RAB6A: variants seen among roughly 807,000 people sequenced by gnomAD.
RAB6A encodes the protein RAB6A, member RAS oncogene family.
Under a neutral mutation model 32.3 loss-of-function variants are expected in RAB6A, and 8 were observed. That is an observed-to-expected ratio of 0.25 (90% CI 0.15 to 0.45). RAB6A has a LOEUF of 0.45. Among genes scored for constraint, RAB6A ranks in the 20% least tolerant of loss-of-function variants. The pLI, the probability that RAB6A is intolerant of heterozygous loss-of-function variation, is 1.00. For missense variants in RAB6A, 104 were observed against 249.4 expected, an observed-to-expected ratio of 0.42 and a Z score of 3.93; for synonymous variants, 73 against 82.1, an observed-to-expected ratio of 0.89 and a Z score of 0.60.
chr11:73,720,707 A>T, intron 3 of RAB6A, 139 bp downstream of exon 3: 2 of 658,118 alleles, frequency 3.0e-6, no homozygotes, highest in South Asian at 4.1e-5. Flanking sequence ...ACTCGGTAAT[A>T]AGAGTTTTTC....
chr11:73,698,698 T>A (rs140966419), intron 6 of RAB6A, among the ~76,000 whole-genome samples: 2 of 152,204 alleles, frequency 1.3e-5, no homozygotes, highest in African/African-American at 4.8e-5. Flanking sequence ...ATATGAAAGA[T>A]TTTAAGTGAA....
At chr11:73,681,966 A>T (rs1945365695) in intron 6 of RAB6A, among the ~76,000 whole-genome samples, 2 of 152,200 alleles carry the variant, frequency 1.3e-5, no homozygotes, top group Admixed American at 1.3e-4. Context: ...GATGTACCAA[A>T]ATTAGGCTTT....
chr11:73,742,420 G>T (rs1946512018), intron 1 of RAB6A, among the ~76,000 whole-genome samples: 1 of 152,194 alleles, frequency 6.6e-6, no homozygotes, highest in Admixed American at 6.5e-5. Flanking sequence ...TTACAGGCGT[G>T]ATCCACCACA....
intron 6 of RAB6A, among the ~76,000 whole-genome samples, chr11:73,689,048 A>T (rs1225315702): frequency 6.6e-6 from 1 of 152,064 alleles, no homozygotes; most frequent in Non-Finnish European, 1.5e-5. Flanking sequence ...ATTTGAGCCC[A>T]GAAGTTGAGG....
chr11:73,715,283 C>T (rs548585456), intron 5 of RAB6A, among the ~76,000 whole-genome samples: 2 of 152,202 alleles, frequency 1.3e-5, no homozygotes, highest in African/African-American at 2.4e-5. Flanking sequence ...CATGCCACAG[C>T]GCCCAGCTAA....
At chr11:73,752,528 A>ATGATAAGAAC (rs1946683874) in intron 1 of RAB6A, among the ~76,000 whole-genome samples, 2 of 152,208 alleles carry the variant, frequency 1.3e-5, no homozygotes, top group Admixed American at 1.3e-4. Context: ...TGAAATTAAA[A>ATGATAAGAAC]TGATAAGAAC....
intron 7 of RAB6A, among the ~76,000 whole-genome samples, chr11:73,678,536 G>A (rs996243047): frequency 1.4e-5 from 2 of 147,706 alleles, no homozygotes; most frequent in African/African-American, 4.9e-5. Context: ...AGAATCACTT[G>A]AATTCAGGAG....
intron 6 of RAB6A, among the ~76,000 whole-genome samples, chr11:73,706,244 G>A (rs1000557617): frequency 1.3e-5 from 2 of 152,020 alleles, no homozygotes; most frequent in Non-Finnish European, 2.9e-5. Flanking sequence ...GGCCGGGCGT[G>A]GTGGCTCACA....
At chr11:73,738,014 A>G (rs1337358698) in intron 1 of RAB6A, among the ~76,000 whole-genome samples, 1 of 140,928 alleles carries the variant, frequency 7.1e-6, no homozygotes, top group Non-Finnish European at 1.6e-5. Flanking sequence ...AAAAAAAAAG[A>G]CCACATGTTA....
At chr11:73,760,480 G>A (rs765754016) in intron 1 of RAB6A, 86 bp downstream of exon 1, 135 of 1,490,114 alleles carry the variant, frequency 9.1e-5, no homozygotes, top group Non-Finnish European at 9.8e-5. Flanking sequence ...GGCGGGCAGG[G>A]AGCCTCCGCG....
chr11:73,739,282 A>T (rs865781434), intron 1 of RAB6A, among the ~76,000 whole-genome samples: 3,400 of 14,936 alleles, frequency 0.23, 316 homozygotes, highest in Non-Finnish European at 0.37. Context: ...AAAAAAAAAA[A>T]AAATATATAT....
intron 2 of RAB6A, among the ~76,000 whole-genome samples, chr11:73,727,606 T>C (rs1424186545): frequency 6.6e-6 from 1 of 152,174 alleles, no homozygotes; most frequent in African/African-American, 2.4e-5. Context: ...TGCTTCCAAC[T>C]CTAAGGCTCA....
At chr11:73,752,101 A>G (rs1283429951) in intron 1 of RAB6A, among the ~76,000 whole-genome samples, 1 of 152,202 alleles carries the variant, frequency 6.6e-6, no homozygotes, top group African/African-American at 2.4e-5. Flanking sequence ...CAGGAAGAAA[A>G]AAGTCATGTA....
rs148601706 is a variant in RAB6A, at chr11:73,726,215, G to A, written c.129+4550C>T. 5.2e-3 allele frequency among the ~76,000 whole-genome samples: 785 copies of A among 150,678 alleles called. 6 individuals are homozygous for A. Among genetic ancestry groups the A allele is most frequent in the African/African-American group, 0.017 (713 of 40,904 alleles). ...CAGGAGAATCGCTTGAACCCAGGAGGCAGAGGTTGTAGTAAGCCAAGATTG... is the reference window on the plus strand; with the variant it reads ...CAGGAGAATCGCTTGAACCCAGGAGACAGAGGTTGTAGTAAGCCAAGATTG... On this transcript the variant is annotated intron_variant, in intron 2 of 7. Transcript: ENST00000336083.
At chr11:73,692,923 T>C (rs576449549) in intron 6 of RAB6A, among the ~76,000 whole-genome samples, 55 of 151,804 alleles carry the variant, frequency 3.6e-4, no homozygotes, top group African/African-American at 1.3e-3. Context: ...ATCGCGCCAC[T>C]GCACTCCAGC....
At chr11:73,685,851 C>G (rs1399185382) in intron 6 of RAB6A, among the ~76,000 whole-genome samples, 1 of 141,030 alleles carries the variant, frequency 7.1e-6, no homozygotes, top group African/African-American at 2.7e-5. Context: ...TGCCACTGCA[C>G]TCCAGCCCAG....
rs528446641 is a variant in RAB6A, at chr11:73,752,919, GA to G, written c.70+7646del. Among the ~76,000 whole-genome samples, 71 of 152,162 alleles carry G rather than the reference GA, an allele frequency of 4.7e-4. 1 individual carries two copies. The East Asian group carries it at 0.011, about 24-fold the overall frequency. On this transcript the variant is annotated intron_variant, in intron 1 of 7. Coordinates refer to ENST00000336083, the MANE Select transcript of RAB6A (RefSeq NM_198896.2). Reference sequence around the variant, plus strand: ...ATGAGAATTAAAACAGAAGCTTAAGGAAATGAAAGAGACCAGATGAAATAAA... The same window carrying G: ...ATGAGAATTAAAACAGAAGCTTAAGGAATGAAAGAGACCAGATGAAATAAA...
chr11:73,725,254 A>T (rs1946198122), intron 2 of RAB6A, among the ~76,000 whole-genome samples: 1 of 152,266 alleles, frequency 6.6e-6, no homozygotes, highest in Non-Finnish European at 1.5e-5. Context: ...GTACAGAGTT[A>T]GTATGAAATA....
Position 73,744,447 on chromosome 11 carries a change from G to C in RAB6A, c.71-13624C>G, listed in dbSNP as rs548926264. Among the ~76,000 whole-genome samples, 334 of 139,164 alleles carry C rather than the reference G, an allele frequency of 2.4e-3. 1 individual carries two copies. Among genetic ancestry groups the C allele is most frequent in the African/African-American group, 8.6e-3 (320 of 37,040 alleles). 91.3% of individuals were successfully genotyped at this position (139,164 alleles called of 152,430 possible). ...TATCACTTGAGCCCAGGAGGTCAAG[G>C]CTGTAGTATACTGTGATGACACCAC... On this transcript the variant is annotated intron_variant, in intron 1 of 7. Coordinates refer to ENST00000336083, the MANE Select transcript of RAB6A (RefSeq NM_198896.2).
Sources: allele counts gnomAD v4.1 joint callset (sites outside exome capture counted in the v4.1 genomes callset), GRCh38; gene constraint gnomAD v4.1.1; transcripts MANE v1.5; gene names NCBI Gene and HGNC (gene_info 2026-07-23, HGNC 2026-07-21).